PTPRT: variants seen among roughly 807,000 people sequenced by gnomAD.
The protein encoded by PTPRT is receptor-type tyrosine-protein phosphatase T.
In PTPRT, 56 loss-of-function variants were observed where a neutral mutation model predicts 176.8. The ratio of observed to expected loss-of-function variants is 0.32; its 90% CI spans 0.26 to 0.40. PTPRT has a LOEUF of 0.40. Ranked by LOEUF, PTPRT falls within the 10% of genes least tolerant of loss-of-function variation. PTPRT has a pLI of 1.00. For missense variants in PTPRT, 1,540 were observed against 1,908.2 expected (o/e 0.81, Z 3.60); for synonymous variants, 783 against 739.0 (o/e 1.06, Z -0.96).
intron 7 of PTPRT, among the ~76,000 whole-genome samples, chr20:42,515,620 T>A (rs1449084581): frequency 4.6e-5 from 7 of 152,240 alleles, no homozygotes; most frequent in African/African-American, 1.7e-4. Context: ...TTGAATAAGC[T>A]TTTTATTGAA....
intron 1 of PTPRT, among the ~76,000 whole-genome samples, chr20:43,058,767 A>G (rs963638547): frequency 3.9e-5 from 6 of 152,344 alleles, no homozygotes; most frequent in Middle Eastern, 3.4e-3. Flanking sequence ...AGTTTTCAGT[A>G]CAACATAATA....
At chr20:42,459,786 C>T (rs977182610) in intron 8 of PTPRT, among the ~76,000 whole-genome samples, 1 of 151,494 alleles carries the variant, frequency 6.6e-6, no homozygotes, top group East Asian at 1.9e-4. Flanking sequence ...GACCTCCCAG[C>T]CTCAAGCAGT....
Position 43,187,009 on chromosome 20 carries a change from C to T in PTPRT, c.88+2637G>A, listed in dbSNP as rs190804718. Among the ~76,000 whole-genome samples the T allele has an allele frequency of 5.6e-4, 86 of 152,280 alleles. 2 individuals are homozygous for T. The East Asian group carries it at 6.8e-3, about 12-fold the overall frequency. On this transcript the variant is annotated intron_variant, in intron 1 of 30. Coordinates refer to ENST00000373187, the MANE Select transcript of PTPRT (RefSeq NM_007050.6). ...CATGTTTTGCCACATTGTTAAGAGG[C>T]TGTTTCTAAAGGTTTTTTGTTTGTT...
At position 42,512,074 on chromosome 20, in the gene PTPRT, C is replaced by G. The variant is rs150723899; in HGVS notation, c.1154-39512G>C. Among the ~76,000 whole-genome samples, 3 of 152,158 alleles carry G rather than the reference C, an allele frequency of 2.0e-5. No individual in the cohort carries two copies. In the East Asian group the frequency reaches 5.8e-4, roughly 29 times the overall value. ...CTACTCATAGCAATTTTGGATGCAA[C>G]CTTCTAAAGATATTCTTTACTTAAA... On this transcript the variant is annotated intron_variant, in intron 7 of 30. Transcript: ENST00000373187.
At chr20:42,354,323 GTTTC>G (rs1278559405) in intron 9 of PTPRT, among the ~76,000 whole-genome samples, 2 of 151,952 alleles carry the variant, frequency 1.3e-5, no homozygotes, top group African/African-American at 4.8e-5. Flanking sequence ...TTTGTTTCTG[GTTTC>G]TTTCTCTCAA....
At chr20:43,018,521 G>A (rs1306988657) in intron 1 of PTPRT, among the ~76,000 whole-genome samples, 1 of 152,154 alleles carries the variant, frequency 6.6e-6, no homozygotes, top group East Asian at 1.9e-4. Context: ...TTAAAATTGA[G>A]AGTTTTCGAA....
At chr20:42,903,301 A>G (rs964979841) in intron 1 of PTPRT, among the ~76,000 whole-genome samples, 1 of 152,222 alleles carries the variant, frequency 6.6e-6, no homozygotes, top group Non-Finnish European at 1.5e-5. Flanking sequence ...TATTCCCTAC[A>G]GTTGTGGATT....
At chr20:42,771,606 C>T (rs867263172) in intron 4 of PTPRT, 56 bp from the exon 5 acceptor site, 2 of 1,425,662 alleles carry the variant, frequency 1.4e-6, no homozygotes, top group Non-Finnish European at 2.0e-6. Flanking sequence ...TGCACCACTT[C>T]CCTATTGGTG....
intron 1 of PTPRT, among the ~76,000 whole-genome samples, chr20:43,055,510 T>C (rs2146241163): frequency 1.3e-5 from 2 of 152,354 alleles, no homozygotes; most frequent in Admixed American, 1.3e-4. Context: ...GATTGTGGGC[T>C]GGGCCAAGAC....
intron 11 of PTPRT, among the ~76,000 whole-genome samples, chr20:42,326,012 T>A (rs571845173): frequency 6.6e-6 from 1 of 152,332 alleles, no homozygotes; most frequent in South Asian, 2.1e-4. Flanking sequence ...GGGAAGTCTG[T>A]CCTGACCACT....
chr20:42,780,168 C>T (rs752293216), intron 4 of PTPRT, 50 bp downstream of exon 4: 34 of 1,427,414 alleles, frequency 2.4e-5, no homozygotes, highest in Non-Finnish European at 3.0e-5. Context: ...CTCTATGCTA[C>T]CCAGTCTGGC....
At chr20:42,217,374 C>T (rs1297197995) in intron 15 of PTPRT, among the ~76,000 whole-genome samples, 2 of 107,196 alleles carry the variant, frequency 1.9e-5, no homozygotes, top group Non-Finnish European at 3.7e-5. Context: ...GACTCTCAAA[C>T]ATACACACAC....
intron 9 of PTPRT, among the ~76,000 whole-genome samples, chr20:42,354,939 T>A (rs915371060): frequency 1.3e-5 from 2 of 152,134 alleles, no homozygotes; most frequent in Non-Finnish European, 2.9e-5. Flanking sequence ...GGGCTTTTTT[T>A]CAAGCAGCAC....
chr20:42,940,177 T>C (rs1980450904), intron 1 of PTPRT, among the ~76,000 whole-genome samples: 1 of 152,252 alleles, frequency 6.6e-6, no homozygotes, highest in South Asian at 2.1e-4. Flanking sequence ...TACCTATCTA[T>C]ATTGCCTGAT....
chr20:42,811,934 C>G (rs1302952200), intron 2 of PTPRT, among the ~76,000 whole-genome samples: 1 of 152,132 alleles, frequency 6.6e-6, no homozygotes, highest in Non-Finnish European at 1.5e-5. Context: ...TACATTTACT[C>G]TTGACAACCA....
intron 8 of PTPRT, among the ~76,000 whole-genome samples, chr20:42,471,103 A>G (rs1214801345): frequency 6.6e-6 from 1 of 152,180 alleles, no homozygotes; most frequent in Admixed American, 6.5e-5. Context: ...AGCCAGATGA[A>G]TATTCAGTTC....
At chr20:42,751,046 C>G (rs1164763590) in intron 6 of PTPRT, among the ~76,000 whole-genome samples, 6 of 152,196 alleles carry the variant, frequency 3.9e-5, no homozygotes, top group African/African-American at 7.2e-5. Context: ...CCTACCCTCA[C>G]ATTAGGCAGC....
chr20:42,040,162 G>T, the PTPRT span, among the ~76,000 whole-genome samples: 1 of 151,904 alleles, frequency 6.6e-6, no homozygotes, highest in African/African-American at 2.4e-5. Context: ...CCTTGTGGTT[G>T]TAAGTGGCAT....
intron 15 of PTPRT, among the ~76,000 whole-genome samples, chr20:42,202,955 A>G (rs1057139042): frequency 6.6e-6 from 1 of 152,222 alleles, no homozygotes; most frequent in Non-Finnish European, 1.5e-5. Flanking sequence ...ACCTGTATTA[A>G]AAAAAGAAAA....
Sources: allele counts gnomAD v4.1 joint callset (sites outside exome capture counted in the v4.1 genomes callset), GRCh38; gene constraint gnomAD v4.1.1; transcripts MANE v1.5; gene names NCBI Gene and HGNC (gene_info 2026-07-23, HGNC 2026-07-21).